NFILZ: variants seen among roughly 807,000 people sequenced by gnomAD.
NFILZ encodes the protein NFIL3 like protein.
rs57880553 is a variant in NFILZ, at chr19:8,680,299, T to TTTCA, written c.*2691_*2694dup. The stretch of plus-strand genomic sequence containing the variant: ...GCTTGTGGCTCAGCTATAACAGCAT[T>TTTCA]TTCATTCATTCATTCATTCATTCAT... On this transcript the variant is annotated 3_prime_UTR_variant, in exon 6 of 6. Coordinates refer to ENST00000691075, the MANE Select transcript of NFILZ (RefSeq NM_001378600.1). 2.1e-3 allele frequency among the ~76,000 whole-genome samples: 317 copies of TTTCA among 147,956 alleles called. No homozygotes were observed. The highest frequency in any genetic ancestry group is 5.3e-3 in the African/African-American group (204 of 38,328).
In NFILZ at chr19:8,679,133, C is replaced by T. The variant is rs1046120749; in HGVS notation, c.*1498C>T. Among the ~76,000 whole-genome samples the T allele has an allele frequency of 5.3e-5, 8 of 150,744 alleles. No individual in the cohort carries two copies. The highest frequency in any genetic ancestry group is 2.0e-4 in the African/African-American group (8 of 40,774). Reference sequence around the variant, plus strand: ...TCAGTGTCCTCTCTCTCCCTGGCTGCCCCCTGCCCCTGAGAACCAGGTATA... The same window carrying T: ...TCAGTGTCCTCTCTCTCCCTGGCTGTCCCCTGCCCCTGAGAACCAGGTATA... On this transcript the variant is annotated 3_prime_UTR_variant, in exon 6 of 6. Transcript: ENST00000691075.
At chr19:8,649,455 C>T (rs181578282) in intron 3 of NFILZ, among the ~76,000 whole-genome samples, 11 of 150,726 alleles carry the variant, frequency 7.3e-5, no homozygotes, top group African/African-American at 7.3e-5. Context: ...TTGTTAGAAA[C>T]GGGATTTTGC....
intron 3 of NFILZ, among the ~76,000 whole-genome samples, chr19:8,636,099 A>G (rs1555746068): frequency 1.3e-5 from 2 of 152,080 alleles, no homozygotes. Context: ...ATCCTCCCAA[A>G]GTACTGGTAT....
At chr19:8,642,493 C>T (rs2042923079) in intron 3 of NFILZ, among the ~76,000 whole-genome samples, 1 of 152,052 alleles carries the variant, frequency 6.6e-6, no homozygotes, top group Admixed American at 6.6e-5. Flanking sequence ...TGAGTTTAGC[C>T]AGGCGGTTCT....
At chr19:8,631,561 T>TG (rs1555745510) in intron 1 of NFILZ, among the ~76,000 whole-genome samples, 5 of 152,106 alleles carry the variant, frequency 3.3e-5, no homozygotes, top group African/African-American at 1.2e-4. Context: ...GACAAACATC[T>TG]GAGTCTTGGC....
chr19:8,637,804 G>A (rs565669646), intron 3 of NFILZ, among the ~76,000 whole-genome samples: 60 of 150,590 alleles, frequency 4.0e-4, no homozygotes, highest in Middle Eastern at 3.5e-3. Flanking sequence ...CTACTTGGGA[G>A]GCTGAGGCAG....
intron 4 of NFILZ, among the ~76,000 whole-genome samples, chr19:8,675,361 T>G (rs1555750619): frequency 6.6e-6 from 1 of 152,184 alleles, no homozygotes; most frequent in African/African-American, 2.4e-5. Context: ...ATCTTTGTGT[T>G]AGAGTCTTCA....
At chr19:8,646,638 G>T (rs2042940285) in intron 3 of NFILZ, among the ~76,000 whole-genome samples, 1 of 152,136 alleles carries the variant, frequency 6.6e-6, no homozygotes, top group African/African-American at 2.4e-5. Flanking sequence ...CCCCACTGTG[G>T]CCGGCAAGCC....
chr19:8,659,122 C>A (rs1467012340), intron 3 of NFILZ, among the ~76,000 whole-genome samples: 1 of 151,854 alleles, frequency 6.6e-6, no homozygotes, highest in Non-Finnish European at 1.5e-5. Context: ...TGGTGTGTGC[C>A]TGTGATCCCA....
chr19:8,673,345 G>A (rs2043096688), intron 3 of NFILZ, among the ~76,000 whole-genome samples: 1 of 152,170 alleles, frequency 6.6e-6, no homozygotes, highest in African/African-American at 2.4e-5. Context: ...GCAAGGTTAT[G>A]TTATTAGCCT....
At chr19:8,633,397 A>G (rs2042879492) in intron 2 of NFILZ, among the ~76,000 whole-genome samples, 1 of 152,126 alleles carries the variant, frequency 6.6e-6, no homozygotes, top group Non-Finnish European at 1.5e-5. Context: ...CGGGGGACCT[A>G]AGAACCCTCT....
In NFILZ at chr19:8,657,172, G is replaced by C. The variant is rs1555748601; in HGVS notation, c.-163-17379G>C. 4.0e-5 allele frequency among the ~76,000 whole-genome samples: 6 copies of C among 151,616 alleles called. 1 individual carries two copies. The highest frequency in any genetic ancestry group is 1.5e-4 in the African/African-American group (6 of 41,364). On this transcript the variant is annotated intron_variant, in intron 3 of 5. Transcript: ENST00000691075. ...GATTGCTTTTTTTTTTTGAGACGGAGTCTCACTCTGTCACCAGGCTGGAGT... is the reference window on the plus strand; with the variant it reads ...GATTGCTTTTTTTTTTTGAGACGGACTCTCACTCTGTCACCAGGCTGGAGT...
intron 3 of NFILZ, among the ~76,000 whole-genome samples, chr19:8,669,385 C>T (rs782559874): frequency 6.6e-6 from 1 of 152,188 alleles, no homozygotes; most frequent in Non-Finnish European, 1.5e-5. Flanking sequence ...TCCCCTTTTG[C>T]AGATGAGACA....
intron 3 of NFILZ, among the ~76,000 whole-genome samples, chr19:8,666,315 G>A (rs559694937): frequency 1.7e-4 from 26 of 151,824 alleles, no homozygotes; most frequent in African/African-American, 6.3e-4. Context: ...GACCTCCTGG[G>A]CTCAAGCAAC....
At chr19:8,673,768 G>A (rs1555750495) in intron 3 of NFILZ, among the ~76,000 whole-genome samples, 1 of 152,186 alleles carries the variant, frequency 6.6e-6, no homozygotes, top group Non-Finnish European at 1.5e-5. Context: ...TCCTGGGCAT[G>A]AGTGCTGGAG....
chr19:8,658,096 T>A (rs1000060030), intron 3 of NFILZ, among the ~76,000 whole-genome samples: 4 of 152,160 alleles, frequency 2.6e-5, no homozygotes, highest in African/African-American at 9.7e-5. Flanking sequence ...ACAGCCAGCA[T>A]GTGCAAAGGC....
At chr19:8,644,034 C>T (rs1200066507) in intron 3 of NFILZ, among the ~76,000 whole-genome samples, 3 of 152,104 alleles carry the variant, frequency 2.0e-5, no homozygotes, top group African/African-American at 7.2e-5. Flanking sequence ...AATTGTTCCA[C>T]CCCAAATGCA....
intron 3 of NFILZ, among the ~76,000 whole-genome samples, chr19:8,663,787 T>TGTGTGTA (rs2043048906): frequency 1.3e-5 from 2 of 148,722 alleles, no homozygotes; most frequent in African/African-American, 5.0e-5. Flanking sequence ...TGTGTGTTTG[T>TGTGTGTA]TGTGGGGGGG....
intron 3 of NFILZ, among the ~76,000 whole-genome samples, chr19:8,656,496 CCG>C (rs137934772): frequency 1.0e-5 from 1 of 99,794 alleles, no homozygotes; most frequent in Non-Finnish European, 2.1e-5. Flanking sequence ...CCACCTTCTC[CCG>C]CAGCCCACCT....
Sources: allele counts gnomAD v4.1 joint callset (sites outside exome capture counted in the v4.1 genomes callset), GRCh38; gene constraint gnomAD v4.1.1; transcripts MANE v1.5; gene names NCBI Gene and HGNC (gene_info 2026-07-23, HGNC 2026-07-21).